IAH1: variants seen among roughly 807,000 people sequenced by gnomAD.
IAH1 encodes the protein isoamyl acetate-hydrolyzing esterase 1 homolog.
A neutral mutation model predicts 26.7 loss-of-function variants in IAH1; 24 were observed. The ratio of observed to expected loss-of-function variants is 0.90; its 90% confidence interval spans 0.65 to 1.26. IAH1 has a LOEUF of 1.26. Among genes scored for constraint, IAH1 ranks in the 50% most tolerant of loss-of-function variants. The pLI is 0.00. For missense variants in IAH1, 300 were observed against 299.9 expected, an observed-to-expected ratio of 1.00 and a Z score of 0.00; for synonymous variants, 140 against 118.5, an observed-to-expected ratio of 1.18 and a Z score of -1.18.
chr2:9,504,010 G>C, the IAH1 span, among the ~76,000 whole-genome samples: 1 of 151,832 alleles, frequency 6.6e-6, no homozygotes, highest in African/African-American at 2.4e-5. Flanking sequence ...AAAAAAATTA[G>C]CCAGGTGGCA....
At chr2:9,474,507 G>T (rs1254005441), upstream of IAH1, 1 of 1,052,378 alleles carries the variant, frequency 9.5e-7, no homozygotes, top group Non-Finnish European at 1.3e-6. The surrounding 1 kb of genome is among the most constrained non-coding windows in gnomAD (Gnocchi z 4.3). Context: ...ACCCACGGGC[G>T]GCCACTGCGC....
At chr2:9,490,015 G>T, downstream of IAH1, 1 of 646,474 alleles carries the variant, frequency 1.5e-6, no homozygotes, top group Non-Finnish European at 2.5e-6. Context: ...AAGGAGAAGG[G>T]CCAAACCACA....
At chr2:9,480,507 T>C (rs1661107448) in intron 3 of IAH1, among the ~76,000 whole-genome samples, 1 of 152,194 alleles carries the variant, frequency 6.6e-6, no homozygotes, top group Admixed American at 6.5e-5. Context: ...TAAAACAATT[T>C]GTAGAGAAAA....
intron 3 of IAH1, among the ~76,000 whole-genome samples, chr2:9,478,763 A>T (rs1660975017): frequency 6.6e-6 from 1 of 151,990 alleles, no homozygotes; most frequent in South Asian, 2.1e-4. Context: ...AGCCACCCTG[A>T]CCTCAGTTAG....
At chr2:9,505,068 T>C in the IAH1 span, 1 of 1,316,954 alleles carries the variant, frequency 7.6e-7, no homozygotes, top group South Asian at 1.3e-5. Flanking sequence ...CTCACACCCC[T>C]TTCAGTTGAT....
Position 9,474,952 on chromosome 2 carries a change from C to A in IAH1, c.81+305C>A. On this transcript the variant is annotated intron_variant, in intron 1 of 5. Coordinates refer to ENST00000497473, the MANE Select transcript of IAH1 (RefSeq NM_001039613.3). The surrounding 1 kb of genome is among the most constrained non-coding windows in gnomAD (Gnocchi z 4.3). ...CCGGGTCGAGATGCGCGGTCTTCCCCTCAGCGCCCTCCTGGGCAGCGGCCT... is the reference window on the plus strand; with the variant it reads ...CCGGGTCGAGATGCGCGGTCTTCCCATCAGCGCCCTCCTGGGCAGCGGCCT... The A allele has an allele frequency of 1.0e-6, 1 of 1,002,532 alleles. No homozygotes were observed. Among genetic ancestry groups the A allele is most frequent in the Non-Finnish European group, 1.2e-6 (1 of 815,660 alleles). The allele number at this position is 1,002,532 out of a possible 1,614,324, so 62.1% of individuals were successfully genotyped here.
chr2:9,491,613 T>C (rs1184058570), downstream of IAH1, among the ~76,000 whole-genome samples: 1 of 152,148 alleles, frequency 6.6e-6, no homozygotes, highest in East Asian at 1.9e-4. Flanking sequence ...GTCTCCACAG[T>C]TTCTGTGGAC....
the IAH1 span, among the ~76,000 whole-genome samples, chr2:9,511,912 T>C: frequency 6.6e-6 from 1 of 151,914 alleles, no homozygotes; most frequent in Non-Finnish European, 1.5e-5. Context: ...CGGAGGTTGC[T>C]GTGAGCCGAG....
At position 9,474,672 on chromosome 2, in the gene IAH1, TC is replaced by T; in HGVS notation, c.81+28del. ...GGTACGGCCGCCCCGACGCTCGGCC[TC>T]CCGCCCCGGCCTCCCTGCGGGGTCG... is the stretch of plus-strand genomic sequence containing the variant. On this transcript the variant is annotated intron_variant, in intron 1 of 5. Coordinates refer to ENST00000497473, the MANE Select transcript of IAH1 (RefSeq NM_001039613.3). This position sits in a 1 kb window ranked among gnomAD's most constrained non-coding sequence, Gnocchi z 4.3. The T allele has an allele frequency of 1.3e-6, 2 of 1,507,938 alleles. No homozygotes were observed. The highest frequency in any genetic ancestry group is 1.2e-5 in the South Asian group (1 of 82,356). The allele number at this position is 1,507,938 out of a possible 1,614,324, so 93.4% of individuals were successfully genotyped here. A position where few individuals can be genotyped will look rare whatever the true frequency, so the allele number is the denominator to read the frequency against.
At chr2:9,502,398 C>A in the IAH1 span, 1 of 764,348 alleles carries the variant, frequency 1.3e-6, no homozygotes, top group East Asian at 2.5e-5. Context: ...GCTCCGTCAC[C>A]CACTCCTACA....
At chr2:9,509,848 A>G in the IAH1 span, 1 of 1,183,648 alleles carries the variant, frequency 8.4e-7, no homozygotes, top group African/African-American at 1.5e-5. Flanking sequence ...CCACGTTTCA[A>G]GGTACTTTGT....
At chr2:9,490,827 T>C (rs368742684), downstream of IAH1, among the ~76,000 whole-genome samples, 40 of 152,154 alleles carry the variant, frequency 2.6e-4, no homozygotes, top group Non-Finnish European at 2.2e-4. Flanking sequence ...AAGAGAGAAA[T>C]TGAACTCAAA....
the IAH1 span, chr2:9,509,885 C>T: frequency 6.8e-5 from 100 of 1,471,072 alleles, no homozygotes; most frequent in Non-Finnish European, 8.7e-5. Context: ...CCTAGGGAAA[C>T]GCCTAGGAAT....
rs556156600 is a variant in IAH1, at chr2:9,478,199, C to G, written c.135-23C>G. The G allele has an allele frequency of 2.5e-6, 4 of 1,588,762 alleles. No individual in the cohort carries two copies. The African/African-American group carries it at 5.4e-5, about 21-fold the overall frequency. On this transcript the variant is annotated intron_variant, in intron 2 of 5. Transcript: ENST00000497473. ...TAAACACTTCTTGCCCACAATTCAT[C>G]TTTTTAAAATTTTTCGTTTCAGAAA...
downstream of IAH1, among the ~76,000 whole-genome samples, chr2:9,501,265 A>G (rs1165445134): frequency 6.6e-6 from 1 of 152,226 alleles, no homozygotes. Flanking sequence ...AAAAAAAGTA[A>G]GAACAAGAGA....
At chr2:9,485,923 A>AG (rs34986525) in intron 5 of IAH1, 8,002 of 152,368 alleles carry the variant, frequency 0.053, 275 homozygotes, top group Middle Eastern at 0.082. Context: ...ACTCAAGGGA[A>AG]GGAAGGATCC....
chr2:9,477,213 C>A (rs1660862207), intron 2 of IAH1, among the ~76,000 whole-genome samples: 1 of 152,148 alleles, frequency 6.6e-6, no homozygotes, highest in Non-Finnish European at 1.5e-5. Context: ...AAAGTGTCCC[C>A]TTGTGCTGCT....
chr2:9,510,378 C>T, the IAH1 span, among the ~76,000 whole-genome samples: 1 of 152,018 alleles, frequency 6.6e-6, no homozygotes, highest in African/African-American at 2.4e-5. Flanking sequence ...AAATATTAAC[C>T]AGGTGGGCTA....
At chr2:9,484,683 C>G in intron 5 of IAH1, 133 bp downstream of exon 5, 1 of 628,456 alleles carries the variant, frequency 1.6e-6, no homozygotes, top group Non-Finnish European at 2.8e-6. Flanking sequence ...TGAAAACAAA[C>G]AGGCTTGGGG....
Sources: gnomAD v4.1 joint callset for allele counts (sites outside exome capture counted in the v4.1 genomes callset) on GRCh38, gnomAD v4.1.1 for gene constraint, Gnocchi (gnomAD v3.1) non-coding constraint, MANE v1.5 for transcripts, NCBI Gene and HGNC (gene_info 2026-07-23, HGNC 2026-07-21) for gene names.